The following CRTC3 variants were observed in gnomAD, a reference collection of about 807,000 sequenced individuals.
CRTC3 encodes the protein CREB regulated transcription coactivator 3.
Under a neutral mutation model 74.5 loss-of-function variants are expected in CRTC3, and 26 were observed. That is an observed-to-expected ratio of 0.35 (90% CI 0.26 to 0.48). The LOEUF is 0.48. CRTC3 is among the 20% of genes least tolerant of loss of function. CRTC3 has a pLI of 0.99. For missense variants in CRTC3, 760 were observed against 787.3 expected, an observed-to-expected ratio of 0.97 and a Z score of 0.41; for synonymous variants, 377 against 325.8, an observed-to-expected ratio of 1.16 and a Z score of -1.69.
chr15:90,626,611 C>CTTTTTTTTTTTTTTTTTT (rs922457681), intron 10 of CRTC3, among the ~76,000 whole-genome samples: 2 of 133,424 alleles, frequency 1.5e-5, no homozygotes, highest in African/African-American at 5.9e-5. Flanking sequence ...AAGCCTGACA[C>CTTTTTTTTTTTTTTTTTT]TTTTTTTTTT....
At chr15:90,575,911 G>C (rs1967393209) in intron 2 of CRTC3, among the ~76,000 whole-genome samples, 1 of 152,212 alleles carries the variant, frequency 6.6e-6, no homozygotes, top group South Asian at 2.1e-4. Context: ...TTTAAAAAAT[G>C]CTTTTATTAT....
At chr15:90,615,934 C>A (rs1968482716) in intron 7 of CRTC3, among the ~76,000 whole-genome samples, 1 of 151,934 alleles carries the variant, frequency 6.6e-6, no homozygotes. Flanking sequence ...CCTCGGCTCA[C>A]TGCAAACCTC....
intron 2 of CRTC3, among the ~76,000 whole-genome samples, chr15:90,558,295 G>A (rs1966937163): frequency 6.6e-6 from 1 of 152,112 alleles, no homozygotes; most frequent in African/African-American, 2.4e-5. Context: ...GAGGAGTCCT[G>A]TCTTCTTTCA....
At chr15:90,620,080 A>G in intron 9 of CRTC3, 1 of 350,058 alleles carries the variant, frequency 2.9e-6, no homozygotes, top group South Asian at 3.1e-5. Context: ...GCAGTGTCAG[A>G]AGCAGAAACG....
At chr15:90,582,886 A>T (rs188984937) in intron 2 of CRTC3, among the ~76,000 whole-genome samples, 18 of 152,338 alleles carry the variant, frequency 1.2e-4, no homozygotes, top group Admixed American at 3.3e-4. Context: ...GGGAATGAAC[A>T]TGATCCATCT....
At position 90,604,444 on chromosome 15, in the gene CRTC3, A is replaced by T; in HGVS notation, c.473A>T (p.Asn158Ile). 6.2e-7 allele frequency: 1 copy of T among 1,612,272 alleles called. No individual in the cohort carries two copies. The highest frequency in any genetic ancestry group is 8.5e-7 in the Non-Finnish European group (1 of 1,178,292). Reference sequence around the variant, plus strand: ...GGGTTCAGGCTGACATCTGCACTTAACAGGTACATGGGTTGTTTCCTGGTA... The same window carrying T: ...GGGTTCAGGCTGACATCTGCACTTATCAGGTACATGGGTTGTTTCCTGGTA... ...HPGFRLTSAL[N>I]RTNSDSALHT... Residue 158 changes from asparagine to isoleucine, a missense_variant, in exon 5 of 15, where the codon AAC becomes ATC. Coordinates refer to ENST00000268184, the MANE Select transcript of CRTC3 (RefSeq NM_022769.5).
chr15:90,625,026 T>A (rs1418736728), intron 9 of CRTC3: 5 of 152,474 alleles, frequency 3.3e-5, no homozygotes, highest in Non-Finnish European at 7.3e-5. Flanking sequence ...GTCTGAGAAT[T>A]CTACATGTAA....
chr15:90,602,360 C>A lies in CRTC3; in HGVS notation c.388C>A (p.Gln130Lys). ...TGCTTTTGGAGCCAATTATTCCTCA[C>A]AGCCTCTGGATGAGAGTTGGCCAAG... ...GSAFGANYSS[Q>K]PLDESWPRQQ... The change falls in exon 4 of 15, where the codon CAG becomes AAG. Residue 130 changes from glutamine to lysine, a missense_variant. By Grantham distance (53) the Gln-to-Lys change is moderately conservative. Around this residue, in one of 2 missense-constraint regions of CRTC3, gnomAD observed 652 missense variants for 635.2 expected, o/e 1.03. Coordinates refer to ENST00000268184, the MANE Select transcript of CRTC3 (RefSeq NM_022769.5). The A allele has an allele frequency of 6.2e-7, 1 of 1,600,946 alleles. No homozygotes were observed. Among genetic ancestry groups the A allele is most frequent in the Non-Finnish European group, 8.6e-7 (1 of 1,168,588 alleles).
At chr15:90,606,767 C>T (rs1452706594) in intron 5 of CRTC3, 1 of 152,108 alleles carries the variant, frequency 6.6e-6, no homozygotes, top group Non-Finnish European at 1.5e-5. Context: ...AAAATAGTGA[C>T]AATGTTCACC....
chr15:90,626,364 C>A (rs767007766), intron 10 of CRTC3, among the ~76,000 whole-genome samples: 3 of 152,186 alleles, frequency 2.0e-5, no homozygotes, highest in African/African-American at 4.8e-5. Context: ...GGATTCCTTT[C>A]ATTTTCCATT....
intron 1 of CRTC3, among the ~76,000 whole-genome samples, chr15:90,531,105 G>T (rs1356651335): frequency 6.6e-6 from 1 of 152,182 alleles, no homozygotes; most frequent in South Asian, 2.1e-4. Context: ...TTGAAGGAGA[G>T]CTGAGAGCAG....
chr15:90,544,404 AG>A (rs1966840773), intron 2 of CRTC3, among the ~76,000 whole-genome samples: 1 of 152,208 alleles, frequency 6.6e-6, no homozygotes, highest in Non-Finnish European at 1.5e-5. Flanking sequence ...TCATATTCAC[AG>A]GTTCTGGGGC....
chr15:90,607,360 C>T lies in CRTC3; in HGVS notation c.477-18C>T, dbSNP rs774790878. On this transcript the variant is annotated intron_variant, in intron 5 of 14. Coordinates refer to ENST00000268184, the MANE Select transcript of CRTC3 (RefSeq NM_022769.5). ...AGGAAAACGGATTTTCAGCCAGCCT[C>T]TCTCCTCCCCTCCTTAGGACCAATT... 6 of 1,517,968 alleles carry T rather than the reference C, an allele frequency of 4.0e-6. No individual in the cohort carries two copies. The highest frequency in any genetic ancestry group is 4.5e-6 in the Non-Finnish European group (5 of 1,101,724). 94.0% of individuals were successfully genotyped at this position (1,517,968 alleles called of 1,614,324 possible).
chr15:90,540,636 G>T (rs1193800360), intron 2 of CRTC3, among the ~76,000 whole-genome samples: 1 of 152,076 alleles, frequency 6.6e-6, no homozygotes, highest in Non-Finnish European at 1.5e-5. Context: ...AGCTAGGTGT[G>T]GTGGCTCACA....
chr15:90,619,026 T>C (rs1203924352), intron 8 of CRTC3, among the ~76,000 whole-genome samples: 1 of 152,244 alleles, frequency 6.6e-6, no homozygotes, highest in East Asian at 1.9e-4. Flanking sequence ...GTAATACTCA[T>C]TCCTGTCCGT....
At chr15:90,597,441 C>G (rs560886679) in intron 3 of CRTC3, among the ~76,000 whole-genome samples, 15 of 152,282 alleles carry the variant, frequency 9.9e-5, no homozygotes, top group African/African-American at 3.6e-4. Flanking sequence ...ATGCCTAAGA[C>G]CTACTAGAGT....
intron 2 of CRTC3, among the ~76,000 whole-genome samples, chr15:90,564,103 A>C (rs1253456765): frequency 1.3e-5 from 2 of 152,190 alleles, no homozygotes; most frequent in African/African-American, 4.8e-5. Flanking sequence ...GCCAAGAAGG[A>C]TTAAACAATT....
chr15:90,590,134 T>C (rs1967765766), intron 2 of CRTC3, among the ~76,000 whole-genome samples: 1 of 150,336 alleles, frequency 6.7e-6, no homozygotes, highest in Non-Finnish European at 1.5e-5. Context: ...CTACTAAAAA[T>C]ACAAAAAAAT....
At chr15:90,547,801 G>A (rs768395155) in intron 2 of CRTC3, among the ~76,000 whole-genome samples, 2 of 151,958 alleles carry the variant, frequency 1.3e-5, no homozygotes, top group East Asian at 1.9e-4. Context: ...CATGTTGACT[G>A]AATGGCTTGT....
Sources: gnomAD v4.1 joint callset for allele counts (sites outside exome capture counted in the v4.1 genomes callset) on GRCh38, gnomAD v4.1.1 for gene constraint, gnomAD v4.1.1 regional missense constraint, MANE v1.5 for transcripts, NCBI Gene and HGNC (gene_info 2026-07-23, HGNC 2026-07-21) for gene names.